Variants in NCAPD3 observed in about 807,000 individuals in gnomAD.
The protein encoded by NCAPD3 is non-SMC condensin II complex subunit D3, also known as condensin-2 complex subunit D3.
In NCAPD3, 105 loss-of-function variants were observed where a neutral mutation model predicts 182.9. The ratio of observed to expected loss-of-function variants is 0.57; its 90% CI spans 0.49 to 0.68. The LOEUF is 0.68. Among genes scored for constraint, NCAPD3 ranks in the 30% least tolerant of loss-of-function variants. The pLI is 0.00. For missense variants in NCAPD3, 1,944 were observed against 1,837.0 expected (o/e 1.06, Z -1.07); for synonymous variants, 815 against 679.9 (o/e 1.20, Z -3.09).
Position 134,202,919 on chromosome 11 carries a change from ATT to A in NCAPD3, c.1526-16_1526-15del. The A allele has an allele frequency of 6.4e-7, 1 of 1,574,016 alleles. No homozygotes were observed. The highest frequency in any genetic ancestry group is 8.7e-7 in the Non-Finnish European group (1 of 1,155,534). On this transcript the variant is annotated splice_polypyrimidine_tract_variant and intron_variant, in intron 12 of 34. Transcript: ENST00000534548. ...GGTAGGAAAAAGCTTTAAAAAAAAA[ATT>A]ACAGTCATTAAGCTAAAAATGTGTT...
intron 27 of NCAPD3, among the ~76,000 whole-genome samples, chr11:134,167,470 A>T (rs1314034335): frequency 1.5e-5 from 2 of 132,772 alleles, no homozygotes; most frequent in Non-Finnish European, 3.2e-5. Context: ...GCGCACACTC[A>T]CTTGTGAGAT....
chr11:134,164,024 T>C (rs961414587), intron 27 of NCAPD3, among the ~76,000 whole-genome samples: 7 of 151,562 alleles, frequency 4.6e-5, no homozygotes, highest in Admixed American at 3.3e-4. Flanking sequence ...ACTAGAGAGA[T>C]AGATTGGTAA....
chr11:134,206,552 A>C, intron 8 of NCAPD3, 47 bp downstream of exon 8: 1 of 1,607,052 alleles, frequency 6.2e-7, no homozygotes, highest in Non-Finnish European at 8.5e-7. Flanking sequence ...GGCCCAGAGT[A>C]CTGAGGGAGA....
chr11:134,161,067 C>T (rs1371391971), intron 28 of NCAPD3, among the ~76,000 whole-genome samples: 1 of 151,486 alleles, frequency 6.6e-6, no homozygotes, highest in Non-Finnish European at 1.5e-5. Flanking sequence ...GTATAAAAAG[C>T]TATTTGAAAA....
chr11:134,225,115 G>T (rs1555145084), upstream of NCAPD3: 6 of 1,595,840 alleles, frequency 3.8e-6, no homozygotes, highest in Non-Finnish European at 5.1e-6. Context: ...GCCCGGCCCG[G>T]CGGTGCGATG....
intron 20 of NCAPD3, among the ~76,000 whole-genome samples, chr11:134,179,838 T>C (rs1329250479): frequency 6.6e-6 from 1 of 152,194 alleles, no homozygotes; most frequent in Non-Finnish European, 1.5e-5. Context: ...AAGCTTATTC[T>C]AGGGTAAGAA....
chr11:134,165,050 CTTAGA>C (rs1943725438), intron 27 of NCAPD3, among the ~76,000 whole-genome samples: 1 of 145,834 alleles, frequency 6.9e-6, no homozygotes, highest in African/African-American at 2.6e-5. Flanking sequence ...GCTGCACACA[CTTAGA>C]TTAGCTGAGG....
intron 2 of NCAPD3, among the ~76,000 whole-genome samples, chr11:134,218,433 A>ACT (rs1938110031): frequency 6.6e-6 from 1 of 151,548 alleles, no homozygotes; most frequent in South Asian, 2.1e-4. Flanking sequence ...AATTTAAAGA[A>ACT]CTCTCTTCTC....
At chr11:134,220,125 G>A (rs982531845) in intron 2 of NCAPD3, among the ~76,000 whole-genome samples, 1 of 151,776 alleles carries the variant, frequency 6.6e-6, no homozygotes, top group Non-Finnish European at 1.5e-5. Context: ...GTTAAGGCAT[G>A]TCTGAATTGT....
chr11:134,179,312 T>A (rs2135978182), intron 20 of NCAPD3, among the ~76,000 whole-genome samples: 1 of 152,336 alleles, frequency 6.6e-6, no homozygotes, highest in East Asian at 1.9e-4. Flanking sequence ...TTTTTCAAAG[T>A]ATTTCTATAG....
Position 134,169,010 on chromosome 11 carries a change from G to C in NCAPD3, c.3146C>G (p.Pro1049Arg), listed in dbSNP as rs771659261. The stretch of plus-strand genomic sequence containing the variant: ...AATGAAGTGTTGGAAGAACATGACA[G>C]GGTTCCTCTTCAGTAACAGGTGAGC... ...CLAHLLLKRN[P>R]VMFFQHFIEC... Residue 1049 changes from proline to arginine, a missense_variant, in exon 25 of 35, where the codon CCT (proline) becomes CGT (arginine). Physicochemically the swap from Pro to Arg is moderately radical, Grantham distance 103. Transcript: ENST00000534548. The C allele has an allele frequency of 1.2e-6, 2 of 1,614,042 alleles. No homozygotes were observed. Among genetic ancestry groups the C allele is most frequent in the African/African-American group, 1.3e-5 (1 of 75,030 alleles).
At position 134,168,095 on chromosome 11, in the gene NCAPD3, T is replaced by C; in HGVS notation, c.3474A>G (p.Ala1158=). The change falls in exon 27 of 35, where the codon GCA becomes GCG. Residue 1158 remains alanine, a synonymous_variant. Transcript: ENST00000534548. ...GGTCTTTGTCTGGTTTAGATCTCAT[T>C]GCCAAAAGCTTGATCTCCTTTGAGC... ...VLSSKEIKLL[A]MRSKPDKDLL... 6.2e-7 allele frequency: 1 copy of C among 1,614,160 alleles called. No homozygotes were observed. The highest frequency in any genetic ancestry group is 8.5e-7 in the Non-Finnish European group (1 of 1,179,990).
At chr11:134,153,539 G>A (rs187728516) in intron 32 of NCAPD3, 176 bp from the exon 33 acceptor site, 3 of 658,284 alleles carry the variant, frequency 4.6e-6, no homozygotes, top group Admixed American at 2.4e-5. Context: ...TCCTGGGGAT[G>A]CTCCTTTCCG....
chr11:134,223,727 TG>T, intron 1 of NCAPD3, 135 bp downstream of exon 1: 2 of 1,063,120 alleles, frequency 1.9e-6, no homozygotes, highest in Non-Finnish European at 2.8e-6. Flanking sequence ...GGCACGGCCC[TG>T]GGGACCCCAG....
intron 8 of NCAPD3, 133 bp downstream of exon 8, chr11:134,206,466 G>A: frequency 5.2e-6 from 6 of 1,149,756 alleles, no homozygotes; most frequent in Non-Finnish European, 7.6e-6. Context: ...TAGCTACGAA[G>A]TGCTTGGTTT....
intron 23 of NCAPD3, among the ~76,000 whole-genome samples, 192 bp from the exon 24 acceptor site, chr11:134,176,578 G>C (rs1231574600): frequency 6.6e-6 from 1 of 152,196 alleles, no homozygotes; most frequent in African/African-American, 2.4e-5. Context: ...TCTACCACAG[G>C]AGAAAAATGA....
intron 27 of NCAPD3, among the ~76,000 whole-genome samples, chr11:134,165,890 G>A (rs1591827186): frequency 2.2e-5 from 3 of 134,904 alleles, no homozygotes; most frequent in Non-Finnish European, 3.2e-5. Flanking sequence ...AGATGAGCTT[G>A]GGGGAGGGGC....
intron 27 of NCAPD3, among the ~76,000 whole-genome samples, chr11:134,164,384 G>A (rs1349646935): frequency 6.6e-6 from 1 of 152,262 alleles, no homozygotes; most frequent in African/African-American, 2.4e-5. Context: ...GGGGACCTGA[G>A]CTCAGGCTCA....
chr11:134,224,066 C>T, upstream of NCAPD3: 1 of 1,043,198 alleles, frequency 9.6e-7, no homozygotes, highest in Non-Finnish European at 1.4e-6. Context: ...CGTTTCCATT[C>T]GCTCAACCAA....
Sources: gnomAD v4.1 joint callset for allele counts (sites outside exome capture counted in the v4.1 genomes callset) on GRCh38, gnomAD v4.1.1 for gene constraint, MANE v1.5 for transcripts, NCBI Gene and HGNC (gene_info 2026-07-23, HGNC 2026-07-21) for gene names.